Variants in FNIP2 observed in about 807,000 individuals in gnomAD.
The protein encoded by FNIP2 is folliculin-interacting protein 2.
A neutral mutation model predicts 108.7 loss-of-function variants in FNIP2; 32 were observed. That is an observed-to-expected ratio of 0.29 (90% confidence interval 0.22 to 0.40). FNIP2 has a LOEUF of 0.40. Ranked by LOEUF, FNIP2 falls within the 10% of genes least tolerant of loss-of-function variation. The pLI, the probability that FNIP2 is intolerant of heterozygous loss-of-function variation, is 1.00. For missense variants in FNIP2, 1,202 were observed against 1,381.6 expected, an observed-to-expected ratio of 0.87 and a Z score of 2.06; for synonymous variants, 480 against 496.7, an observed-to-expected ratio of 0.97 and a Z score of 0.45.
chr4:158,873,669 C>T (rs1781092466), intron 14 of FNIP2, among the ~76,000 whole-genome samples: 1 of 152,222 alleles, frequency 6.6e-6, no homozygotes, highest in South Asian at 2.1e-4. Context: ...ATTTTTATTA[C>T]TGACTTTCAC....
intron 7 of FNIP2, among the ~76,000 whole-genome samples, chr4:158,845,742 G>A (rs916392188): frequency 6.6e-6 from 1 of 152,226 alleles, no homozygotes; most frequent in African/African-American, 2.4e-5. Flanking sequence ...TCAGGTTAAG[G>A]TTAGTCCTCT....
At chr4:158,901,633 C>G (rs1048216456) in intron 16 of FNIP2, among the ~76,000 whole-genome samples, 2 of 152,018 alleles carry the variant, frequency 1.3e-5, no homozygotes, top group African/African-American at 4.8e-5. Context: ...ACCAATCAAA[C>G]GTAGATTTGG....
At chr4:158,843,139 A>G (rs1456745100) in intron 7 of FNIP2, among the ~76,000 whole-genome samples, 4 of 152,206 alleles carry the variant, frequency 2.6e-5, no homozygotes, top group South Asian at 2.1e-4. Context: ...TTGTGGATGT[A>G]ATACCCCCTG....
intron 12 of FNIP2, among the ~76,000 whole-genome samples, chr4:158,865,400 AT>A (rs1780523507): frequency 6.6e-6 from 1 of 152,152 alleles, no homozygotes; most frequent in South Asian, 2.1e-4. Flanking sequence ...AAAATGCTTT[AT>A]TTTATGAAGT....
chr4:158,826,161 T>C, intron 2 of FNIP2, 119 bp downstream of exon 2: 1 of 1,350,724 alleles, frequency 7.4e-7, no homozygotes, highest in Non-Finnish European at 9.9e-7. Flanking sequence ...CATTAATGGT[T>C]CAGAAGAAAC....
chr4:158,903,426 G>A (rs556794290), intron 16 of FNIP2, among the ~76,000 whole-genome samples: 17 of 152,282 alleles, frequency 1.1e-4, no homozygotes, highest in Non-Finnish European at 1.9e-4. Flanking sequence ...CTATTCGGCC[G>A]TCTTGCCTTA....
At chr4:158,809,722 C>T (rs926300389) in intron 1 of FNIP2, among the ~76,000 whole-genome samples, 3 of 152,136 alleles carry the variant, frequency 2.0e-5, no homozygotes, top group African/African-American at 7.2e-5. Context: ...AAAGTATACC[C>T]CTTACACACT....
chr4:158,898,820 CT>C (rs1187514581), intron 16 of FNIP2, among the ~76,000 whole-genome samples: 1 of 152,146 alleles, frequency 6.6e-6, no homozygotes, highest in Non-Finnish European at 1.5e-5. Flanking sequence ...TTTGAATACG[CT>C]TTATTTCTTT....
At chr4:158,895,995 C>A in intron 16 of FNIP2, 130 bp downstream of exon 16, 1 of 644,182 alleles carries the variant, frequency 1.6e-6, no homozygotes. Context: ...TGGAGTCCAT[C>A]AGATACGTGC....
At chr4:158,795,619 A>G (rs1245636126) in intron 1 of FNIP2, among the ~76,000 whole-genome samples, 1 of 152,192 alleles carries the variant, frequency 6.6e-6, no homozygotes, top group Non-Finnish European at 1.5e-5. Context: ...GCTTGCAGGT[A>G]TTCTTCCCTA....
chr4:158,863,651 T>C (rs1780415290), intron 12 of FNIP2, among the ~76,000 whole-genome samples: 1 of 152,232 alleles, frequency 6.6e-6, no homozygotes, highest in Non-Finnish European at 1.5e-5. Context: ...AAGCATTTAA[T>C]TGGTATAATA....
chr4:158,890,353 C>T (rs1220543538), intron 14 of FNIP2: 3 of 984,918 alleles, frequency 3.0e-6, no homozygotes, highest in East Asian at 2.3e-4. Flanking sequence ...CTACTATTCC[C>T]CCTTGGATAA....
At position 158,904,539 on chromosome 4, in the gene FNIP2, T is replaced by C. The variant is rs1265315142; in HGVS notation, c.3340T>C (p.Leu1114=). 1 of 1,612,474 alleles carries C rather than the reference T, an allele frequency of 6.2e-7. No individual in the cohort carries two copies. The highest frequency in any genetic ancestry group is 8.5e-7 in the Non-Finnish European group (1 of 1,179,452). ...TTCTCCTTATGTGGCTCAAATACTCTTATAAGCTAAAGCTCAGGACAGTTC... is the reference window on the plus strand; with the variant it reads ...TTCTCCTTATGTGGCTCAAATACTCCTATAAGCTAAAGCTCAGGACAGTTC... ...THSPYVAQIL[L] is the part of the protein sequence containing the mutation. Residue 1114 remains leucine (L), a synonymous_variant, in exon 17 of 17, where the codon TTA becomes CTA. Coordinates refer to ENST00000264433, the MANE Select transcript of FNIP2 (RefSeq NM_020840.3).
intron 14 of FNIP2, among the ~76,000 whole-genome samples, chr4:158,883,638 TA>T (rs1246807137): frequency 2.0e-5 from 3 of 152,176 alleles, no homozygotes; most frequent in Admixed American, 6.5e-5. Flanking sequence ...TGGTTATGAA[TA>T]CAGAAGTCTT....
In FNIP2 at chr4:158,878,550, C is replaced by A. The variant is rs139997120; in HGVS notation, c.2949+8081C>A. 2.6e-5 allele frequency among the ~76,000 whole-genome samples: 4 copies of A among 152,224 alleles called. No homozygotes were observed. The East Asian group carries it at 7.7e-4, about 29-fold the overall frequency. ...AACATAAAACCAGAAGCATAGAAACCTTTAGGACTCTGGCAGAAGGAAGCA... is the reference window on the plus strand; with the variant it reads ...AACATAAAACCAGAAGCATAGAAACATTTAGGACTCTGGCAGAAGGAAGCA... On this transcript the variant is annotated intron_variant, in intron 14 of 16. Coordinates refer to ENST00000264433, the MANE Select transcript of FNIP2 (RefSeq NM_020840.3).
chr4:158,820,648 C>T (rs79750167), intron 1 of FNIP2, among the ~76,000 whole-genome samples: 8,788 of 152,246 alleles, frequency 0.058, 302 homozygotes, highest in African/African-American at 0.094. Flanking sequence ...TCCTCAGGTG[C>T]CTTTCTAGCC....
At chr4:158,839,265 T>C (rs1778983536) in intron 7 of FNIP2, among the ~76,000 whole-genome samples, 1 of 152,188 alleles carries the variant, frequency 6.6e-6, no homozygotes, top group African/African-American at 2.4e-5. Flanking sequence ...ATATATCTCT[T>C]CTCCCATTTA....
At chr4:158,853,868 T>G (rs1779835333) in intron 8 of FNIP2, among the ~76,000 whole-genome samples, 1 of 152,192 alleles carries the variant, frequency 6.6e-6, no homozygotes, top group African/African-American at 2.4e-5. Context: ...TGTGGAGATC[T>G]TACAAGAAAC....
At chr4:158,859,748 T>C (rs1474784167) in intron 10 of FNIP2, 82 bp downstream of exon 10, 1 of 1,182,184 alleles carries the variant, frequency 8.5e-7, no homozygotes, top group Non-Finnish European at 1.2e-6. Context: ...CTTGGAAGAA[T>C]TGGGGGCCTG....
Sources: allele counts gnomAD v4.1 joint callset (sites outside exome capture counted in the v4.1 genomes callset), GRCh38; gene constraint gnomAD v4.1.1; transcripts MANE v1.5; gene names NCBI Gene and HGNC (gene_info 2026-07-23, HGNC 2026-07-21).